The following DIP2B variants were observed in gnomAD, a reference collection of about 807,000 sequenced individuals.
DIP2B encodes the protein DIP2 acetate--CoA ligase B (putative).
DIP2B carries 76 observed loss-of-function variants against 198.0 expected under a neutral mutation model. That is an observed-to-expected ratio of 0.38 (90% confidence interval 0.32 to 0.46). DIP2B has a LOEUF of 0.46. DIP2B is among the 20% of genes least tolerant of loss of function. The pLI is 0.99. For synonymous variants in DIP2B, 701 were observed against 739.1 expected, an observed-to-expected ratio of 0.95 and a Z score of 0.84; for missense variants, 1,559 against 1,978.4, an observed-to-expected ratio of 0.79 and a Z score of 4.02.
chr12:50,641,320 G>A (rs1193442285), intron 3 of DIP2B, among the ~76,000 whole-genome samples: 1 of 152,174 alleles, frequency 6.6e-6, no homozygotes, highest in African/African-American at 2.4e-5. Flanking sequence ...TCCCACCACT[G>A]CACTCCAGCC....
At chr12:50,658,252 T>C (rs1938588212) in intron 3 of DIP2B, among the ~76,000 whole-genome samples, 1 of 152,088 alleles carries the variant, frequency 6.6e-6, no homozygotes, top group Admixed American at 6.5e-5. Flanking sequence ...TTCTTCTGCC[T>C]CAGCCTCCTG....
At chr12:50,606,279 G>T (rs1046055887) in intron 1 of DIP2B, among the ~76,000 whole-genome samples, 1 of 151,984 alleles carries the variant, frequency 6.6e-6, no homozygotes, top group South Asian at 2.1e-4. Context: ...TGCCACCATG[G>T]CTGGCTAGTG....
chr12:50,637,451 A>T lies in DIP2B; in HGVS notation c.173-3273A>T, dbSNP rs552940887. ...TCTACAAACACCATGCTTTTGAATA[A>T]AGTGGCTTTTCCTTCTCTCTGCCTA... On this transcript the variant is annotated intron_variant, in intron 2 of 37. Transcript: ENST00000301180. Among the ~76,000 whole-genome samples the T allele has an allele frequency of 5.9e-5, 9 of 152,254 alleles. No individual in the cohort carries two copies. The South Asian group carries it at 1.9e-3, about 32-fold the overall frequency.
At chr12:50,601,893 A>G (rs1385474836) in intron 1 of DIP2B, among the ~76,000 whole-genome samples, 1 of 152,254 alleles carries the variant, frequency 6.6e-6, no homozygotes, top group African/African-American at 2.4e-5. Context: ...GCTAGGCACC[A>G]TCTTCACCCC....
intron 29 of DIP2B, 93 bp from the exon 30 acceptor site, chr12:50,728,455 T>G: frequency 1.4e-6 from 2 of 1,433,028 alleles, no homozygotes; most frequent in Non-Finnish European, 1.9e-6. Flanking sequence ...TTGAGGAGTT[T>G]AGGGAATTGA....
chr12:50,683,226 T>C lies in DIP2B; in HGVS notation c.1295T>C (p.Ile432Thr), dbSNP rs749597381. The C allele has an allele frequency of 1.2e-6, 2 of 1,611,684 alleles. No homozygotes were observed. The highest frequency in any genetic ancestry group is 1.7e-6 in the Non-Finnish European group (2 of 1,179,284). Reference protein sequence around the residue: ...CLLAEVIPVPIEVPLTRKDAG... With the variant: ...CLLAEVIPVPTEVPLTRKDAG... The stretch of plus-strand genomic sequence containing the variant: ...CTGGCAGAAGTGATTCCAGTGCCTA[T>C]AGAGGTACCTCTTACCAGAAAGGTA... The change falls in exon 10 of 38, where the codon ATA (isoleucine) becomes ACA (threonine). Residue 432 changes from isoleucine (I) to threonine (T), a missense_variant. Coordinates refer to ENST00000301180, the MANE Select transcript of DIP2B (RefSeq NM_173602.3).
intron 33 of DIP2B, 31 bp downstream of exon 33, chr12:50,734,227 A>G (rs893644177): frequency 6.2e-7 from 1 of 1,611,094 alleles, no homozygotes; most frequent in East Asian, 2.2e-5. Context: ...CTCCTTTCCT[A>G]CTAGTTCCTA....
intron 1 of DIP2B, among the ~76,000 whole-genome samples, chr12:50,598,128 CT>C (rs1958894111): frequency 6.6e-6 from 1 of 152,138 alleles, no homozygotes; most frequent in South Asian, 2.1e-4. Flanking sequence ...ACCTACCCCA[CT>C]TTTGCATTAC....
intron 11 of DIP2B, 26 bp from the exon 12 acceptor site, chr12:50,686,547 C>T: frequency 6.2e-7 from 1 of 1,610,156 alleles, no homozygotes; most frequent in South Asian, 1.1e-5. Flanking sequence ...TTAGGCAATT[C>T]AATTTTCACT....
chr12:50,541,157 A>G (rs1462290843), intron 1 of DIP2B, among the ~76,000 whole-genome samples: 1 of 152,176 alleles, frequency 6.6e-6, no homozygotes, highest in Non-Finnish European at 1.5e-5. Context: ...TGCATGTGTT[A>G]ATTACAATTT....
chr12:50,722,023 T>G (rs1394033141), intron 26 of DIP2B, among the ~76,000 whole-genome samples: 2 of 143,254 alleles, frequency 1.4e-5, no homozygotes, highest in African/African-American at 5.1e-5. Context: ...CTTCTTCTGT[T>G]GTTGCTACTT....
intron 26 of DIP2B, among the ~76,000 whole-genome samples, chr12:50,722,557 T>A (rs1477984249): frequency 6.6e-6 from 1 of 152,138 alleles, no homozygotes; most frequent in East Asian, 1.9e-4. Context: ...CCTGGCTCAT[T>A]ATGTGATTCT....
chr12:50,735,212 T>A, intron 34 of DIP2B, 82 bp downstream of exon 34: 3 of 1,500,458 alleles, frequency 2.0e-6, no homozygotes, highest in Non-Finnish European at 2.8e-6. Context: ...CCATATAATA[T>A]ATTAGTGTCC....
At chr12:50,687,843 T>C (rs1430784303) in intron 12 of DIP2B, among the ~76,000 whole-genome samples, 2 of 150,314 alleles carry the variant, frequency 1.3e-5, no homozygotes, top group African/African-American at 2.5e-5. Context: ...GGCACACATA[T>C]ACCTATGTAA....
At chr12:50,688,489 A>G (rs1939169063) in intron 12 of DIP2B, among the ~76,000 whole-genome samples, 1 of 151,972 alleles carries the variant, frequency 6.6e-6, no homozygotes, top group Non-Finnish European at 1.5e-5. Context: ...CTGTCTCTAC[A>G]AAAAATAAAA....
chr12:50,697,212 T>TA (rs762552045), intron 17 of DIP2B, 37 bp downstream of exon 17: 1 of 1,577,464 alleles, frequency 6.3e-7, no homozygotes, highest in South Asian at 1.1e-5. Flanking sequence ...TGATGTATGT[T>TA]ACAACTTGGA....
chr12:50,600,852 T>G (rs1958928109), intron 1 of DIP2B, among the ~76,000 whole-genome samples: 1 of 151,658 alleles, frequency 6.6e-6, no homozygotes, highest in Admixed American at 6.6e-5. Flanking sequence ...TCTGTAGGGC[T>G]GACTCCTCCT....
Position 50,640,726 on chromosome 12 carries a change from A to G in DIP2B, c.175A>G (p.Thr59Ala), listed in dbSNP as rs1318035759. The part of the protein sequence containing the change: ...LSPYSPQTQE[T>A]DSAVQKELRN... The stretch of plus-strand genomic sequence containing the variant: ...ATCTTTTAAACTTCCTTTTTTAGAA[A>G]CTGATTCAGCAGTACAGAAAGAACT... The change falls in exon 3 of 38, where the codon ACT (threonine) becomes GCT (alanine). Residue 59 changes from threonine (T) to alanine (A), a missense_variant and splice_region_variant. By Grantham distance (58) the Thr-to-Ala change is moderately conservative (BLOSUM62 0). Transcript: ENST00000301180. The G allele has an allele frequency of 6.2e-7, 1 of 1,611,680 alleles. No individual in the cohort carries two copies. The highest frequency in any genetic ancestry group is 1.3e-5 in the African/African-American group (1 of 74,744).
chr12:50,569,269 T>C (rs1958593228), intron 1 of DIP2B, among the ~76,000 whole-genome samples: 1 of 152,200 alleles, frequency 6.6e-6, no homozygotes, highest in South Asian at 2.1e-4. Flanking sequence ...TGGAATTGCC[T>C]CTCAGTTTGG....
Sources: allele counts gnomAD v4.1 joint callset (sites outside exome capture counted in the v4.1 genomes callset), GRCh38; gene constraint gnomAD v4.1.1; transcripts MANE v1.5; gene names NCBI Gene and HGNC (gene_info 2026-07-23, HGNC 2026-07-21).